Variants in ZNF229 observed in about 807,000 individuals in gnomAD.
The protein encoded by ZNF229 is zinc finger protein 229.
ZNF229 carries 10 observed loss-of-function variants against 11.8 expected under a neutral mutation model. That is an observed-to-expected ratio of 0.85 (90% CI 0.52 to 1.44). The LOEUF (loss-of-function observed/expected upper bound fraction) is 1.44. Among genes scored for constraint, ZNF229 ranks in the 40% most tolerant of loss-of-function variants. The pLI is 0.00. For missense variants in ZNF229, 1,045 were observed against 1,015.1 expected, an observed-to-expected ratio of 1.03 and a Z score of -0.40; for synonymous variants, 368 against 374.8, an observed-to-expected ratio of 0.98 and a Z score of 0.21.
At chr19:44,443,807 T>C (rs1343701271) in intron 2 of ZNF229, among the ~76,000 whole-genome samples, 1 of 152,222 alleles carries the variant, frequency 6.6e-6, no homozygotes, top group Non-Finnish European at 1.5e-5. Context: ...ATGTTCACAA[T>C]GAAATGCTAC....
Position 44,437,132 on chromosome 19 carries a change from A to G in ZNF229, c.94-4766T>C, listed in dbSNP as rs139222443. Among the ~76,000 whole-genome samples, 1,235 of 152,242 alleles carry G rather than the reference A, an allele frequency of 8.1e-3. 16 individuals are homozygous for G. Among genetic ancestry groups the G allele is most frequent in the Middle Eastern group, 0.024 (7 of 294 alleles). On this transcript the variant is annotated intron_variant, in intron 4 of 5. Coordinates refer to ENST00000614049, the MANE Select transcript of ZNF229 (RefSeq NM_014518.4). ...AATAAATTACAGTTATACTAGGGATAAAACATTTTTTCAGACCTTGCTGAT... is the reference window on the plus strand; with the variant it reads ...AATAAATTACAGTTATACTAGGGATGAAACATTTTTTCAGACCTTGCTGAT...
chr19:44,430,056 C>T lies in ZNF229; in HGVS notation c.725G>A (p.Cys242Tyr). The T allele has an allele frequency of 1.9e-6, 3 of 1,614,144 alleles. No homozygotes were observed. Among genetic ancestry groups the T allele is most frequent in the Non-Finnish European group, 2.5e-6 (3 of 1,180,030 alleles). Reference sequence around the variant, plus strand: ...AATGCAGTCTTTTCTGCATTTATTGCAACCACACGGCTTGTCTATTTCAGG... The same window carrying T: ...AATGCAGTCTTTTCTGCATTTATTGTAACCACACGGCTTGTCTATTTCAGG... ...RFPEIDKPCGCNKCRKDCIKN... is the reference protein window; with the variant it reads ...RFPEIDKPCGYNKCRKDCIKN... The change falls in exon 6 of 6, where the codon TGC (cysteine) becomes TAC (tyrosine). Residue 242 changes from cysteine (C) to tyrosine (Y), a missense_variant. By Grantham distance (194) the Cys-to-Tyr change is radical (BLOSUM62 -2). Coordinates refer to ENST00000614049, the MANE Select transcript of ZNF229 (RefSeq NM_014518.4).
chr19:44,429,330 G>A lies in ZNF229; in HGVS notation c.1451C>T (p.Thr484Ile), dbSNP rs1971659475. 6.2e-7 allele frequency: 1 copy of A among 1,614,098 alleles called. No individual in the cohort carries two copies. Among genetic ancestry groups the A allele is most frequent in the Non-Finnish European group, 8.5e-7 (1 of 1,179,960 alleles). Residue 484 changes from threonine (T) to isoleucine (I), a missense_variant, in exon 6 of 6, where the codon ACC (threonine) becomes ATC (isoleucine). Thr to Ile is a moderately conservative substitution (Grantham distance 89). Coordinates refer to ENST00000614049, the MANE Select transcript of ZNF229 (RefSeq NM_014518.4). ...SHLSSHQKTH[T>I]GERPYQCDKC... Reference sequence around the variant, plus strand: ...GTCACACTGGTAGGGCCTCTCGCCGGTGTGTGTCTTCTGATGACTGCTGAG... The same window carrying A: ...GTCACACTGGTAGGGCCTCTCGCCGATGTGTGTCTTCTGATGACTGCTGAG...
At position 44,429,527 on chromosome 19, in the gene ZNF229, T is replaced by C. The variant is rs745306867; in HGVS notation, c.1254A>G (p.Ser418=). Reference sequence around the variant, plus strand: ...GCAGCCTCTGATGGACTTGAAGCACTGAGCTGTAACTGAAGCCCTTCCCAC... The same window carrying C: ...GCAGCCTCTGATGGACTTGAAGCACCGAGCTGTAACTGAAGCCCTTCCCAC... ...SECGKGFSYS[S]VLQVHQRLHT... Residue 418 remains serine, a synonymous_variant, in exon 6 of 6, where the codon TCA becomes TCG. Transcript: ENST00000614049. 6.2e-7 allele frequency: 1 copy of C among 1,612,090 alleles called. No homozygotes were observed. The highest frequency in any genetic ancestry group is 1.1e-5 in the South Asian group (1 of 91,028).
Position 44,430,311 on chromosome 19 carries a change from A to G in ZNF229, c.470T>C (p.Leu157Pro). 1 of 1,614,138 alleles carries G rather than the reference A, an allele frequency of 6.2e-7. No homozygotes were observed. Among genetic ancestry groups the G allele is most frequent in the Non-Finnish European group, 8.5e-7 (1 of 1,180,018 alleles). The change falls in exon 6 of 6, where the codon CTG (leucine) becomes CCG (proline). Residue 157 changes from leucine to proline, a missense_variant. Physicochemically the swap from Leu to Pro is moderately conservative, Grantham distance 98 (BLOSUM62 -3). Coordinates refer to ENST00000614049, the MANE Select transcript of ZNF229 (RefSeq NM_014518.4). ...AAGCCCATCCCCTTGTAGACTGTCC[A>G]GGAAATTCTCAATTGGAAAACACGG... Reference protein sequence around the residue: ...STPCFPIENFLDSLQGDGLIG... With the variant: ...STPCFPIENFPDSLQGDGLIG...
At position 44,428,445 on chromosome 19, in the gene ZNF229, C is replaced by T. The variant is rs773703225; in HGVS notation, c.2336G>A (p.Arg779His). ...CTGATGAACATGAAGACAGGAGTTGCGGCCAAAGCCCTTCCCACACTCCTC... is the reference window on the plus strand; with the variant it reads ...CTGATGAACATGAAGACAGGAGTTGTGGCCAAAGCCCTTCCCACACTCCTC... ...KCEECGKGFG[R>H]NSCLHVHQRV... The change falls in exon 6 of 6, where the codon CGC becomes CAC. Residue 779 changes from arginine (R) to histidine (H), a missense_variant. Transcript: ENST00000614049. The T allele has an allele frequency of 1.4e-5, 23 of 1,613,498 alleles. No homozygotes were observed. The highest frequency in any genetic ancestry group is 4.0e-5 in the African/African-American group (3 of 74,710).
chr19:44,429,825 T>C lies in ZNF229; in HGVS notation c.956A>G (p.Lys319Arg). The C allele has an allele frequency of 6.2e-7, 1 of 1,613,962 alleles. No individual in the cohort carries two copies. The highest frequency in any genetic ancestry group is 8.5e-7 in the Non-Finnish European group (1 of 1,179,976). Reference protein sequence around the residue: ...NRHQRVPTGEKSVKSLERGRG... With the variant: ...NRHQRVPTGERSVKSLERGRG... Reference sequence around the variant, plus strand: ...ACCACGCTCAAGACTCTTAACAGATTTCTCTCCTGTGGGAACTCTTTGATG... The same window carrying C: ...ACCACGCTCAAGACTCTTAACAGATCTCTCTCCTGTGGGAACTCTTTGATG... Residue 319 changes from lysine (K) to arginine (R), a missense_variant, in exon 6 of 6, where the codon AAA becomes AGA. Physicochemically the swap from Lys to Arg is conservative, Grantham distance 26. Coordinates refer to ENST00000614049, the MANE Select transcript of ZNF229 (RefSeq NM_014518.4).
rs956885497 is a variant in ZNF229, at chr19:44,448,323, G to A, written c.-280C>T. On this transcript the variant is annotated 5_prime_UTR_variant, in exon 1 of 6. Transcript: ENST00000614049. ...CCCTGCCTCACCAGGCCGAGCTCAT[G>A]GAAATCCGTGGGCTTCGACCCTCCG... is the stretch of plus-strand genomic sequence containing the variant. The A allele has an allele frequency of 3.3e-5, 5 of 152,328 alleles. No individual in the cohort carries two copies. Among genetic ancestry groups the A allele is most frequent in the African/African-American group, 1.2e-4 (5 of 41,434 alleles). The allele number at this position is 152,328 out of a possible 1,614,324, so 9.4% of individuals were successfully genotyped here. A position where few individuals can be genotyped will look rare whatever the true frequency, so the allele number is the denominator to read the frequency against.
chr19:44,444,148 G>A (rs929043368), intron 2 of ZNF229, among the ~76,000 whole-genome samples: 3 of 152,154 alleles, frequency 2.0e-5, no homozygotes, highest in African/African-American at 7.2e-5. Context: ...CACACAGATT[G>A]AACAAAACTC....
intron 5 of ZNF229, among the ~76,000 whole-genome samples, chr19:44,431,066 C>G (rs1971714501): frequency 6.6e-6 from 1 of 152,096 alleles, no homozygotes; most frequent in Admixed American, 6.5e-5. Context: ...GCCCACACGG[C>G]CTTCTCCCTG....
Position 44,432,223 on chromosome 19 carries a change from C to A in ZNF229, c.237G>T (p.Leu79=). The change falls in exon 5 of 6, where the codon CTG becomes CTT. Residue 79 remains leucine, a splice_region_variant and synonymous_variant. Transcript: ENST00000614049. ...TCCAAGAAGTTCAGTTCCAATTACCCAGAGGATTCCTCTCACCCACTGAGA... is the reference window on the plus strand; with the variant it reads ...TCCAAGAAGTTCAGTTCCAATTACCAAGAGGATTCCTCTCACCCACTGAGA... ...NLLSVGERNP[L]GDKNGKDTEY... 1 of 1,608,342 alleles carries A rather than the reference C, an allele frequency of 6.2e-7. No homozygotes were observed. Among genetic ancestry groups the A allele is most frequent in the Non-Finnish European group, 8.5e-7 (1 of 1,178,516 alleles).
Position 44,428,093 on chromosome 19 carries a change from AAC to A in ZNF229, c.*208_*209del. On this transcript the variant is annotated 3_prime_UTR_variant, in exon 6 of 6. Coordinates refer to ENST00000614049, the MANE Select transcript of ZNF229 (RefSeq NM_014518.4). ...TTCTTTAAAGCCTACTCCGCTGCAC[AAC>A]AGACTCTTAAAGACTGAAGTTTGTA... 1 of 555,616 alleles carries A rather than the reference AAC, an allele frequency of 1.8e-6. No individual in the cohort carries two copies. 34.4% of individuals were successfully genotyped at this position (555,616 alleles called of 1,614,324 possible). A position where few individuals can be genotyped will look rare whatever the true frequency, so the allele number is the denominator to read the frequency against.
chr19:44,434,345 C>T (rs187179797), intron 4 of ZNF229, among the ~76,000 whole-genome samples: 14 of 152,246 alleles, frequency 9.2e-5, no homozygotes, highest in African/African-American at 3.4e-4. Context: ...TTCCCTTCCA[C>T]ACTCTTTTTA....
In ZNF229 at chr19:44,432,232, C is replaced by CCTCT; in HGVS notation, c.224_227dup (p.Asn77GlufsTer18). 1 of 1,612,012 alleles carries CCTCT rather than the reference C, an allele frequency of 6.2e-7. No individual in the cohort carries two copies. The highest frequency in any genetic ancestry group is 8.5e-7 in the Non-Finnish European group (1 of 1,179,442). ...TTCAGTTCCAATTACCCAGAGGATT[C>CCTCT]CTCTCACCCACTGAGAGTAGGTTCC... is the stretch of plus-strand genomic sequence containing the variant. On this transcript the variant is annotated frameshift_variant, in exon 5 of 6. Transcript: ENST00000614049. LOFTEE classifies it low-confidence loss of function (END_TRUNC).
chr19:44,432,656 C>T (rs535158455), intron 4 of ZNF229, among the ~76,000 whole-genome samples: 1 of 150,568 alleles, frequency 6.6e-6, no homozygotes, highest in African/African-American at 2.5e-5. Context: ...CACATGGACA[C>T]AGGAAGGGGA....
chr19:44,437,013 G>A (rs191320624), intron 4 of ZNF229, among the ~76,000 whole-genome samples: 249 of 151,758 alleles, frequency 1.6e-3, no homozygotes, highest in African/African-American at 5.7e-3. Context: ...TGGTTGACTC[G>A]AAAAAGAATG....
At chr19:44,445,413 A>G (rs1255591348) in intron 2 of ZNF229, among the ~76,000 whole-genome samples, 1 of 152,080 alleles carries the variant, frequency 6.6e-6, no homozygotes, top group Non-Finnish European at 1.5e-5. Context: ...AAGACCTTAC[A>G]CTATCTTCCT....
chr19:44,443,286 G>T (rs1049533678), intron 2 of ZNF229, among the ~76,000 whole-genome samples: 2 of 152,184 alleles, frequency 1.3e-5, no homozygotes, highest in African/African-American at 2.4e-5. Context: ...GAAGGGCAGA[G>T]AGACCCCACA....
chr19:44,438,648 G>C (rs1175101323), intron 4 of ZNF229, among the ~76,000 whole-genome samples: 2 of 152,172 alleles, frequency 1.3e-5, no homozygotes, highest in African/African-American at 2.4e-5. Flanking sequence ...GGAAGGATTA[G>C]AGGATTAGAC....
Sources: allele counts gnomAD v4.1 joint callset (sites outside exome capture counted in the v4.1 genomes callset), GRCh38; gene constraint gnomAD v4.1.1; transcripts MANE v1.5; gene names NCBI Gene and HGNC (gene_info 2026-07-23, HGNC 2026-07-21).